EEF2KMT: variants seen among roughly 807,000 people sequenced by gnomAD.
EEF2KMT encodes the protein protein-lysine N-methyltransferase EEF2KMT.
Under a neutral mutation model 35.1 loss-of-function variants are expected in EEF2KMT, and 30 were observed. That is an observed-to-expected ratio of 0.85 (90% CI 0.64 to 1.16). The LOEUF (loss-of-function observed/expected upper bound fraction) is 1.16. Ranked by LOEUF, EEF2KMT falls within the 50% of genes most tolerant of loss-of-function variation. The pLI is 0.00. For synonymous variants in EEF2KMT, 190 were observed against 187.7 expected (o/e 1.01, Z -0.10); for missense variants, 499 against 438.2 (o/e 1.14, Z -1.24).
At chr16:5,087,426 C>T (rs919092098) in intron 7 of EEF2KMT, 6 of 152,166 alleles carry the variant, frequency 3.9e-5, no homozygotes, top group African/African-American at 1.4e-4. Flanking sequence ...GGGCTTAAGC[C>T]ATCCTCCCGC....
chr16:5,096,225 C>G (rs886132739), intron 1 of EEF2KMT, among the ~76,000 whole-genome samples: 2 of 152,240 alleles, frequency 1.3e-5, no homozygotes, highest in Non-Finnish European at 2.9e-5. Flanking sequence ...AATGCCACCT[C>G]TTTGGGGAAG....
intron 1 of EEF2KMT, 35 bp downstream of exon 1, chr16:5,097,609 G>A (rs1372916822): frequency 6.5e-7 from 1 of 1,535,642 alleles, no homozygotes; most frequent in African/African-American, 1.4e-5. Flanking sequence ...ACTCCCGCGA[G>A]CCCCGCGGGC....
Position 5,090,923 on chromosome 16 carries a change from A to G in EEF2KMT, c.343-358T>C, listed in dbSNP as rs1049046813. Among the ~76,000 whole-genome samples the G allele has an allele frequency of 4.6e-5, 7 of 151,938 alleles. No individual in the cohort carries two copies. Among genetic ancestry groups the G allele is most frequent in the African/African-American group, 1.2e-4 (5 of 41,368 alleles). ...TTTTCCTTTGTGGTTTTCTGTATCT[A>G]TGTTTTATCTTATTTTTTTTTGAGC... On this transcript the variant is annotated intron_variant, in intron 4 of 7. Coordinates refer to ENST00000427587, the MANE Select transcript of EEF2KMT (RefSeq NM_201400.4). The surrounding 1 kb of genome is among the most constrained non-coding windows in gnomAD (Gnocchi z 4.1).
intron 7 of EEF2KMT, among the ~76,000 whole-genome samples, chr16:5,088,887 G>C (rs1255114559): frequency 6.6e-6 from 1 of 152,162 alleles, no homozygotes; most frequent in South Asian, 2.1e-4. Flanking sequence ...GGGCTGCTGG[G>C]CTCAGACCCT....
At chr16:5,088,673 TAC>T (rs951424847) in intron 7 of EEF2KMT, among the ~76,000 whole-genome samples, 1 of 152,108 alleles carries the variant, frequency 6.6e-6, no homozygotes, top group Non-Finnish European at 1.5e-5. Context: ...TCCCCTTCTC[TAC>T]AGTCACCCTG....
At chr16:5,093,186 G>T (rs1238157356) in intron 3 of EEF2KMT, among the ~76,000 whole-genome samples, 1 of 152,212 alleles carries the variant, frequency 6.6e-6, no homozygotes, top group Non-Finnish European at 1.5e-5. Flanking sequence ...GAGGGTTCCA[G>T]TGCTGTGGGC....
intron 1 of EEF2KMT, among the ~76,000 whole-genome samples, chr16:5,096,555 G>T (rs1241835825): frequency 3.3e-5 from 5 of 152,316 alleles, no homozygotes; most frequent in African/African-American, 1.2e-4. Context: ...TAAGAGGTAG[G>T]TATCATTATA....
At chr16:5,086,518 T>G (rs1177077595) in intron 7 of EEF2KMT, 1 of 149,366 alleles carries the variant, frequency 6.7e-6, no homozygotes, top group Admixed American at 6.6e-5. Context: ...GCACAGTCAT[T>G]GCTCACTACA....
chr16:5,084,668 GGACCTGGGGTCAGCCAGGTGGT>G lies in EEF2KMT; in HGVS notation c.*942_*963del. 9 of 1,588,518 alleles carry G rather than the reference GGACCTGGGGTCAGCCAGGTGGT, an allele frequency of 5.7e-6. No individual in the cohort carries two copies. The highest frequency in any genetic ancestry group is 1.1e-5 in the South Asian group (1 of 90,428). ...TTGGGAGGGGTTGTTGTTGGGTCGG[GGACCTGGGGTCAGCCAGGTGGT>G]GACCTGGGATGGGGTGGGGACAGGC... On this transcript the variant is annotated 3_prime_UTR_variant, in exon 8 of 8. Transcript: ENST00000427587.
At chr16:5,093,347 G>A (rs1957381778) in intron 3 of EEF2KMT, 137 bp downstream of exon 3, 2 of 1,345,262 alleles carry the variant, frequency 1.5e-6, no homozygotes, top group Non-Finnish European at 2.1e-6. Context: ...GTCACATGTG[G>A]CTGCAGCCAG....
intron 4 of EEF2KMT, among the ~76,000 whole-genome samples, chr16:5,091,463 C>G (rs1024928708): frequency 2.6e-5 from 4 of 152,184 alleles, no homozygotes; most frequent in African/African-American, 4.8e-5. Context: ...GATGCAACCA[C>G]TTCGGCCTCC....
intron 7 of EEF2KMT, among the ~76,000 whole-genome samples, chr16:5,087,595 C>G (rs984600152): frequency 9.9e-5 from 15 of 152,116 alleles, no homozygotes; most frequent in Non-Finnish European, 5.9e-5. Context: ...GTCAGGAGTT[C>G]AAGACCAGCC....
In EEF2KMT at chr16:5,085,490, G is replaced by A; in HGVS notation, c.*142C>T. 2.8e-6 allele frequency: 2 copies of A among 719,980 alleles called. No individual in the cohort carries two copies. 44.6% of individuals were successfully genotyped at this position (719,980 alleles called of 1,614,324 possible). On this transcript the variant is annotated 3_prime_UTR_variant, in exon 8 of 8. Coordinates refer to ENST00000427587, the MANE Select transcript of EEF2KMT (RefSeq NM_201400.4). Reference sequence around the variant, plus strand: ...TTAGATAGCCGATGTCTTATTAGAGGGCAGTTTGTGGTTCCTGATTTGGAA... The same window carrying A: ...TTAGATAGCCGATGTCTTATTAGAGAGCAGTTTGTGGTTCCTGATTTGGAA...
Position 5,091,799 on chromosome 16 carries a change from A to G in EEF2KMT, c.337T>C (p.Leu113=), listed in dbSNP as rs1456178245. ...KESTQGHRSY[L]LPSGGSVTLS... The stretch of plus-strand genomic sequence containing the variant: ...GGAGGGTGCCCTTCTCATACCAGCA[A>G]ATAGCTCCGGTGGCCCTGGGTGGAC... The change falls in exon 4 of 8, where the codon TTG becomes CTG. Residue 113 remains leucine, a synonymous_variant. Coordinates refer to ENST00000427587, the MANE Select transcript of EEF2KMT (RefSeq NM_201400.4). 1.2e-6 allele frequency: 2 copies of G among 1,611,550 alleles called. No individual in the cohort carries two copies. The highest frequency in any genetic ancestry group is 1.3e-5 in the African/African-American group (1 of 74,830).
In EEF2KMT at chr16:5,090,817, G is replaced by A. The variant is rs967460023; in HGVS notation, c.343-252C>T. ...CTTCCTGAGACAACGGAATTCTGGC[G>A]ATGGAACACATGTCAGTGGTGGCCA... On this transcript the variant is annotated intron_variant, in intron 4 of 7. Coordinates refer to ENST00000427587, the MANE Select transcript of EEF2KMT (RefSeq NM_201400.4). The surrounding 1 kb of genome is among the most constrained non-coding windows in gnomAD (Gnocchi z 4.1). Among the ~76,000 whole-genome samples the A allele has an allele frequency of 6.6e-6, 1 of 152,136 alleles. No homozygotes were observed. The highest frequency in any genetic ancestry group is 1.5e-5 in the Non-Finnish European group (1 of 68,016).
In EEF2KMT at chr16:5,085,071, C is replaced by T. The variant is rs1957107581; in HGVS notation, c.*561G>A. ...GCTTTGGTTGGCCTTGATTTCTTCT[C>T]TGGAGGCTTGGAAACGCTTCCTCTC... is the stretch of plus-strand genomic sequence containing the variant. On this transcript the variant is annotated 3_prime_UTR_variant, in exon 8 of 8. Coordinates refer to ENST00000427587, the MANE Select transcript of EEF2KMT (RefSeq NM_201400.4). 2 of 1,064,576 alleles carry T rather than the reference C, an allele frequency of 1.9e-6. No individual in the cohort carries two copies. Among genetic ancestry groups the T allele is most frequent in the Non-Finnish European group, 2.7e-6 (2 of 740,968 alleles). The allele number at this position is 1,064,576 out of a possible 1,614,324, so 65.9% of individuals were successfully genotyped here.
chr16:5,091,679 T>C (rs918812426), intron 4 of EEF2KMT, 115 bp downstream of exon 4: 13 of 1,509,388 alleles, frequency 8.6e-6, no homozygotes, highest in Non-Finnish European at 1.2e-5. Context: ...ACGGACCTCA[T>C]GTCTAAGACT....
Position 5,090,540 on chromosome 16 carries a change from G to A in EEF2KMT, c.368C>T (p.Ser123Phe). ...GTAGGAGATGATGGCCGTGCTCTCG[G>A]AGAGTGTGACCGAGCCTCCCGAGGG... ...LLPSGGSVTL[S>F]ESTAIISYGT... Residue 123 changes from serine to phenylalanine, a missense_variant, in exon 5 of 8, where the codon TCC becomes TTC. Coordinates refer to ENST00000427587, the MANE Select transcript of EEF2KMT (RefSeq NM_201400.4). The surrounding 1 kb of genome is among the most constrained non-coding windows in gnomAD (Gnocchi z 4.1). 1 of 1,611,496 alleles carries A rather than the reference G, an allele frequency of 6.2e-7. No homozygotes were observed. Among genetic ancestry groups the A allele is most frequent in the Non-Finnish European group, 8.5e-7 (1 of 1,179,578 alleles).
chr16:5,093,367 G>T (rs1596278583), intron 3 of EEF2KMT, 117 bp downstream of exon 3: 1 of 1,516,758 alleles, frequency 6.6e-7, no homozygotes, highest in African/African-American at 1.4e-5. Context: ...GTTGCCTGGG[G>T]AGGCCCCTGC....
Sources: allele counts gnomAD v4.1 joint callset (sites outside exome capture counted in the v4.1 genomes callset), GRCh38; gene constraint gnomAD v4.1.1; non-coding constraint Gnocchi (gnomAD v3.1); transcripts MANE v1.5; gene names NCBI Gene and HGNC (gene_info 2026-07-23, HGNC 2026-07-21).